The following KLRC1 variants were observed in gnomAD, a reference collection of about 807,000 sequenced individuals.
KLRC1 encodes the protein killer cell lectin like receptor C1.
In KLRC1, 22 loss-of-function variants were observed where a neutral mutation model predicts 25.9. That is an observed-to-expected ratio of 0.85 (90% CI 0.61 to 1.21). KLRC1 has a LOEUF of 1.21. Among genes scored for constraint, KLRC1 ranks in the 50% most tolerant of loss-of-function variants. The pLI, the probability that KLRC1 is intolerant of heterozygous loss-of-function variation, is 0.00. For synonymous variants in KLRC1, 77 were observed against 93.1 expected (o/e 0.83, Z 0.99); for missense variants, 240 against 272.2 (o/e 0.88, Z 0.83).
At chr12:10,454,589 CAT>C, upstream of KLRC1, 1 of 984,920 alleles carries the variant, frequency 1.0e-6, no homozygotes, top group East Asian at 1.1e-4. Context: ...TCCTGGGAGA[CAT>C]ATACATCTGT....
At chr12:10,447,370 T>C (rs1241794945) in intron 6 of KLRC1, 162 bp downstream of exon 6, 1 of 586,296 alleles carries the variant, frequency 1.7e-6, no homozygotes, top group Non-Finnish European at 2.8e-6. Flanking sequence ...GGTTGAAATA[T>C]ATGGACTACT....
Position 10,449,172 on chromosome 12 carries a change from T to C in KLRC1, c.489+65A>G, listed in dbSNP as rs1448033575. ...GTATATACCCACACATATGGATGAT[T>C]TCTACAAATATATTATCGACCGAAA... On this transcript the variant is annotated intron_variant, in intron 5 of 6. Coordinates refer to ENST00000359151, the MANE Select transcript of KLRC1 (RefSeq NM_002259.5). The C allele has an allele frequency of 1.7e-5, 27 of 1,599,786 alleles. No homozygotes were observed. In the Admixed American group the frequency reaches 4.5e-4, roughly 27 times the overall value.
downstream of KLRC1, among the ~76,000 whole-genome samples, chr12:10,445,797 G>C (rs1863973029): frequency 6.6e-6 from 1 of 151,840 alleles, no homozygotes; most frequent in Non-Finnish European, 1.5e-5. Flanking sequence ...AATTACTAAA[G>C]GGAATTTTAG....
intron 6 of KLRC1, among the ~76,000 whole-genome samples, chr12:10,447,019 C>G (rs918061380): frequency 6.6e-6 from 1 of 152,158 alleles, no homozygotes; most frequent in Non-Finnish European, 1.5e-5. Context: ...ATGCCAACAG[C>G]ACTACTCTTG....
rs1863985977 is a variant in KLRC1 at position 10,446,450 on chromosome 12, A to C, written c.*101T>G. On this transcript the variant is annotated 3_prime_UTR_variant, in exon 7 of 7. Coordinates refer to ENST00000359151, the MANE Select transcript of KLRC1 (RefSeq NM_002259.5). ...TGATTTAGAATTTTCTTATTAGAGC[A>C]AATAACATAATTCATTTTAAGATTT... 4 of 1,441,446 alleles carry C rather than the reference A, an allele frequency of 2.8e-6. No homozygotes were observed. The highest frequency in any genetic ancestry group is 5.2e-5 in the Admixed American group (2 of 38,592). 89.3% of individuals were successfully genotyped at this position (1,441,446 alleles called of 1,614,324 possible).
At position 10,450,624 on chromosome 12, in the gene KLRC1, C is replaced by T. The variant is rs754872656; in HGVS notation, c.188-45G>A. ...AACAGTGCGAAAGGAGAGGTGGATA[C>T]AGTCGTTTAGAAGATTCACAGACAA... On this transcript the variant is annotated intron_variant, in intron 2 of 6. Transcript: ENST00000359151. 5 of 1,229,822 alleles carry T rather than the reference C, an allele frequency of 4.1e-6. No homozygotes were observed. In the African/African-American group the frequency reaches 6.0e-5, roughly 15 times the overall value. 76.2% of individuals were successfully genotyped at this position (1,229,822 alleles called of 1,614,324 possible).
rs1331618416 is a variant in KLRC1 at position 10,446,428 on chromosome 12, T to C, written c.*123A>G. 1.3e-5 allele frequency: 19 copies of C among 1,437,656 alleles called. No homozygotes were observed. The Middle Eastern group carries it at 7.7e-4, about 58-fold the overall frequency. The allele number at this position is 1,437,656 out of a possible 1,614,324, so 89.1% of individuals were successfully genotyped here. On this transcript the variant is annotated 3_prime_UTR_variant, in exon 7 of 7. Transcript: ENST00000359151. ...GTGTGTATCCTGTTTCAATAATTGA[T>C]TTAGAATTTTCTTATTAGAGCAAAT...
In KLRC1 at chr12:10,450,516, A is replaced by G. The variant is rs756825929; in HGVS notation, c.251T>C (p.Met84Thr). The G allele has an allele frequency of 1.2e-6, 2 of 1,610,386 alleles. No homozygotes were observed. Among genetic ancestry groups the G allele is most frequent in the Admixed American group, 1.7e-5 (1 of 59,978 alleles). ...AACAACTATCGTTACCACAGAGGCC[A>G]TTAAGATAAGACAGATAATTCCCAG... is the stretch of plus-strand genomic sequence containing the variant. ...GILGIICLIL[M>T]ASVVTIVVIP... The change falls in exon 3 of 7, where the codon ATG becomes ACG. Residue 84 changes from methionine to threonine, a missense_variant. Physicochemically the swap from Met to Thr is moderately conservative, Grantham distance 81 (BLOSUM62 -1). Coordinates refer to ENST00000359151, the MANE Select transcript of KLRC1 (RefSeq NM_002259.5).
At chr12:10,444,660 C>G (rs1201253057), downstream of KLRC1, among the ~76,000 whole-genome samples, 1 of 152,130 alleles carries the variant, frequency 6.6e-6, no homozygotes, top group Non-Finnish European at 1.5e-5. Context: ...TAAAGAAATT[C>G]AGTTTAGACA....
intron 1 of KLRC1, 93 bp from the exon 2 acceptor site, chr12:10,451,280 G>T: frequency 1.7e-6 from 1 of 595,074 alleles, no homozygotes; most frequent in Non-Finnish European, 2.5e-6. Flanking sequence ...GAGTATTGGA[G>T]CTCATTTTGC....
intron 1 of KLRC1, among the ~76,000 whole-genome samples, chr12:10,451,898 G>A (rs1353123089): frequency 1.3e-5 from 2 of 151,680 alleles, no homozygotes; most frequent in Non-Finnish European, 2.9e-5. Flanking sequence ...TAGTAAAGTT[G>A]ACATATATAT....
Position 10,446,546 on chromosome 12 carries a change from T to A in KLRC1, c.*5A>T, listed in dbSNP as rs1243541587. Reference sequence around the variant, plus strand: ...TGATGCACTGCAAATGCAAACGCTTTACCTCTAAAGCTTATGCTTACAATG... The same window carrying A: ...TGATGCACTGCAAATGCAAACGCTTAACCTCTAAAGCTTATGCTTACAATG... On this transcript the variant is annotated 3_prime_UTR_variant, in exon 7 of 7. Transcript: ENST00000359151. The A allele has an allele frequency of 3.1e-6, 5 of 1,610,994 alleles. No homozygotes were observed. Among genetic ancestry groups the A allele is most frequent in the Non-Finnish European group, 4.2e-6 (5 of 1,178,628 alleles).
intron 5 of KLRC1, among the ~76,000 whole-genome samples, chr12:10,448,125 G>A (rs1864032361): frequency 6.6e-6 from 1 of 152,102 alleles, no homozygotes; most frequent in Admixed American, 6.5e-5. Flanking sequence ...AGGTGGTGTA[G>A]ACTCGTCTCT....
At chr12:10,449,830 TC>T in intron 4 of KLRC1, 83 bp downstream of exon 4, 1 of 1,141,218 alleles carries the variant, frequency 8.8e-7, no homozygotes, top group Non-Finnish European at 1.2e-6. Context: ...TTATAATTTT[TC>T]ACCCAAAATT....
chr12:10,448,810 A>G (rs1034483109), intron 5 of KLRC1, among the ~76,000 whole-genome samples: 3 of 152,248 alleles, frequency 2.0e-5, no homozygotes, highest in African/African-American at 7.2e-5. Context: ...TTATAACATT[A>G]AAAGTCAAGA....
chr12:10,449,796 T>G (rs2137894772), intron 4 of KLRC1, 118 bp downstream of exon 4: 1 of 789,392 alleles, frequency 1.3e-6, no homozygotes, highest in African/African-American at 1.8e-5. Flanking sequence ...TCTAATTTTA[T>G]TTATGAACAC....
At position 10,446,461 on chromosome 12, in the gene KLRC1, T is replaced by C. The variant is rs1425640486; in HGVS notation, c.*90A>G. On this transcript the variant is annotated 3_prime_UTR_variant, in exon 7 of 7. Transcript: ENST00000359151. ...TTTCTTATTAGAGCAAATAACATAA[T>C]TCATTTTAAGATTTATGCAATCATA... The C allele has an allele frequency of 1.4e-6, 2 of 1,455,654 alleles. No homozygotes were observed. The highest frequency in any genetic ancestry group is 1.4e-5 in the African/African-American group (1 of 69,328). The allele number at this position is 1,455,654 out of a possible 1,614,324, so 90.2% of individuals were successfully genotyped here. A position where few individuals can be genotyped will look rare whatever the true frequency, so the allele number is the denominator to read the frequency against.
At chr12:10,451,865 C>CTA (rs1864133425) in intron 1 of KLRC1, among the ~76,000 whole-genome samples, 1 of 151,884 alleles carries the variant, frequency 6.6e-6, no homozygotes, top group Non-Finnish European at 1.5e-5. Flanking sequence ...ATGGTTAAGA[C>CTA]TATGTGGTCT....
At chr12:10,453,980 G>C (rs903715223), upstream of KLRC1, among the ~76,000 whole-genome samples, 1 of 152,138 alleles carries the variant, frequency 6.6e-6, no homozygotes, top group Admixed American at 6.5e-5. Flanking sequence ...ACCAGAAATT[G>C]AAATATTAAA....
Sources: gnomAD v4.1 joint callset for allele counts (sites outside exome capture counted in the v4.1 genomes callset) on GRCh38, gnomAD v4.1.1 for gene constraint, MANE v1.5 for transcripts, NCBI Gene and HGNC (gene_info 2026-07-23, HGNC 2026-07-21) for gene names.